The following CTNNA2 variants were observed in gnomAD, a reference collection of about 807,000 sequenced individuals.
The protein encoded by CTNNA2 is catenin alpha 2, also known as catenin alpha-2.
In CTNNA2, 42 loss-of-function variants were observed where a neutral mutation model predicts 101.0. That is an observed-to-expected ratio of 0.42 (90% CI 0.32 to 0.54). The LOEUF is 0.54. Ranked by LOEUF, CTNNA2 falls within the 20% of genes least tolerant of loss-of-function variation. CTNNA2 has a pLI of 0.14. For synonymous variants in CTNNA2, 450 were observed against 456.4 expected (o/e 0.99, Z 0.18); for missense variants, 871 against 1,223.1 (o/e 0.71, Z 4.29).
rs115534351 is a variant in CTNNA2 at position 80,539,640 on chromosome 2, G to A, written c.1291-5342G>A. On this transcript the variant is annotated intron_variant, in intron 9 of 18. Transcript: ENST00000402739. ...TTCCTCCTTTCCCTCAAGATAACTG[G>A]TTTTAAGGTACTAAGTCAGAGAAAG... Among the ~76,000 whole-genome samples, 139 of 152,174 alleles carry A rather than the reference G, an allele frequency of 9.1e-4. 1 individual carries two copies. Among genetic ancestry groups the A allele is most frequent in the African/African-American group, 3.2e-3 (134 of 41,520 alleles).
chr2:79,925,520 A>G (rs571483307), intron 7 of CTNNA2, among the ~76,000 whole-genome samples: 2 of 152,260 alleles, frequency 1.3e-5, no homozygotes, highest in African/African-American at 2.4e-5. Flanking sequence ...AATAATTCTT[A>G]CTAATGAAAG....
At chr2:80,296,183 A>G (rs1675727901) in intron 7 of CTNNA2, among the ~76,000 whole-genome samples, 1 of 152,152 alleles carries the variant, frequency 6.6e-6, no homozygotes, top group South Asian at 2.1e-4. Flanking sequence ...CACCTCAAGC[A>G]TTTATTTTTT....
chr2:80,634,669 A>C (rs1672679286), intron 18 of CTNNA2, among the ~76,000 whole-genome samples: 1 of 152,108 alleles, frequency 6.6e-6, no homozygotes, highest in East Asian at 1.9e-4. Flanking sequence ...GGAAGCAAGG[A>C]AACTAGTTAG....
chr2:80,188,050 G>T (rs898050521), intron 7 of CTNNA2, among the ~76,000 whole-genome samples: 1 of 152,146 alleles, frequency 6.6e-6, no homozygotes, highest in Non-Finnish European at 1.5e-5. Flanking sequence ...ACAAGATCCC[G>T]AGTAAAGCCA....
intron 4 of CTNNA2, chr2:79,499,160 G>A (rs998629463): frequency 6.6e-6 from 1 of 152,138 alleles, no homozygotes; most frequent in African/African-American, 2.4e-5. Context: ...TAAGAGGAAG[G>A]TATCCTTTTC....
At chr2:80,543,683 C>T (rs13423141) in intron 9 of CTNNA2, among the ~76,000 whole-genome samples, 61,720 of 151,982 alleles carry the variant, frequency 0.41, 12,762 homozygotes, top group South Asian at 0.56. Flanking sequence ...ACTTCCTGAT[C>T]TCCAGGCCTG....
At chr2:80,053,949 A>G (rs188759055) in intron 7 of CTNNA2, among the ~76,000 whole-genome samples, 2 of 152,354 alleles carry the variant, frequency 1.3e-5, no homozygotes, top group East Asian at 1.9e-4. Context: ...GTATCAATAA[A>G]CAGAAATCAT....
chr2:80,576,819 A>G (rs950428461), intron 13 of CTNNA2, among the ~76,000 whole-genome samples: 3 of 150,880 alleles, frequency 2.0e-5, no homozygotes, highest in African/African-American at 7.3e-5. Context: ...TACAAAAATC[A>G]GCCAGGCATG....
At chr2:80,502,164 T>TC (rs1304803630) in intron 9 of CTNNA2, among the ~76,000 whole-genome samples, 3 of 152,174 alleles carry the variant, frequency 2.0e-5, no homozygotes, top group African/African-American at 7.2e-5. Flanking sequence ...GCAGTGCTCC[T>TC]CCTCACACAC....
intron 3 of CTNNA2, among the ~76,000 whole-genome samples, chr2:79,314,004 G>A (rs1194649846): frequency 6.6e-6 from 1 of 152,102 alleles, no homozygotes; most frequent in African/African-American, 2.4e-5. Context: ...GCCTTCCTAG[G>A]TGTGCTCTTT....
At chr2:80,198,320 G>A (rs1706974482) in intron 7 of CTNNA2, among the ~76,000 whole-genome samples, 1 of 152,248 alleles carries the variant, frequency 6.6e-6, no homozygotes, top group East Asian at 1.9e-4. Context: ...AGGAACATGG[G>A]ACTACAGAAA....
chr2:79,272,569 C>T (rs917337062), intron 2 of CTNNA2, among the ~76,000 whole-genome samples: 1 of 151,930 alleles, frequency 6.6e-6, no homozygotes, highest in African/African-American at 2.4e-5. Context: ...AAACAAATGA[C>T]CAAGACAGAC....
At chr2:79,455,498 C>A (rs1670812377) in intron 4 of CTNNA2, among the ~76,000 whole-genome samples, 1 of 152,238 alleles carries the variant, frequency 6.6e-6, no homozygotes, top group Non-Finnish European at 1.5e-5. Context: ...CTGGCAAACA[C>A]AATCCTTATT....
chr2:80,203,230 T>C (rs1170543538), intron 7 of CTNNA2, among the ~76,000 whole-genome samples: 1 of 152,190 alleles, frequency 6.6e-6, no homozygotes, highest in Non-Finnish European at 1.5e-5. Context: ...TATCTTCACA[T>C]TTCAACACCA....
chr2:80,553,795 A>C (rs1052180057), intron 11 of CTNNA2, among the ~76,000 whole-genome samples: 5 of 152,138 alleles, frequency 3.3e-5, no homozygotes, highest in Non-Finnish European at 5.9e-5. Context: ...TTTTAATCAA[A>C]GTTTTACATT....
At chr2:80,420,201 G>A (rs571850884) in intron 9 of CTNNA2, among the ~76,000 whole-genome samples, 15 of 152,038 alleles carry the variant, frequency 9.9e-5, no homozygotes, top group African/African-American at 2.9e-4. Flanking sequence ...AATTTTATGG[G>A]GTAATATTGA....
intron 18 of CTNNA2, among the ~76,000 whole-genome samples, chr2:80,641,187 T>C (rs3770379): frequency 0.66 from 100,751 of 152,008 alleles, 34,054 homozygotes; most frequent in African/African-American, 0.8. Flanking sequence ...GTAATCAAAG[T>C]AAACACCTCA....
Position 80,303,781 on chromosome 2 carries a change from C to A in CTNNA2, c.1057-89430C>A. 1 of 1,559,042 alleles carries A rather than the reference C, an allele frequency of 6.4e-7. No individual in the cohort carries two copies. On this transcript the variant is annotated intron_variant, in intron 7 of 18. Transcript: ENST00000402739. The surrounding 1 kb of genome is among the most constrained non-coding windows in gnomAD (Gnocchi z 7.7). Reference sequence around the variant, plus strand: ...AGACCACCCCCGAGGGCCTCCTCAGCAGCCAGTATAGACAGAGACCGAGCA... The same window carrying A: ...AGACCACCCCCGAGGGCCTCCTCAGAAGCCAGTATAGACAGAGACCGAGCA...
chr2:79,829,267 C>T (rs1347872848), intron 3 of CTNNA2, among the ~76,000 whole-genome samples: 2 of 151,560 alleles, frequency 1.3e-5, no homozygotes, highest in Admixed American at 1.3e-4. Flanking sequence ...GCCTGTAATC[C>T]CAGCACTTTG....
Sources: allele counts gnomAD v4.1 joint callset (sites outside exome capture counted in the v4.1 genomes callset), GRCh38; gene constraint gnomAD v4.1.1; non-coding constraint Gnocchi (gnomAD v3.1); transcripts MANE v1.5; gene names NCBI Gene and HGNC (gene_info 2026-07-23, HGNC 2026-07-21).